The following DNAH7 variants were observed in gnomAD, a reference collection of about 807,000 sequenced individuals.
DNAH7 encodes the protein axonemal beta dynein heavy chain 7.
DNAH7 carries 397 observed loss-of-function variants against 444.6 expected under a neutral mutation model. That is an observed-to-expected ratio of 0.89 (90% confidence interval 0.82 to 0.97). The LOEUF is 0.97. Among genes scored for constraint, DNAH7 ranks in the 50% least tolerant of loss-of-function variants. The probability of loss-of-function intolerance (pLI) is 0.00; values close to 1 mark genes in which losing one functional copy is unlikely to be tolerated. For synonymous variants in DNAH7, 1,636 were observed against 1,624.4 expected (o/e 1.01, Z -0.17); for missense variants, 4,902 against 4,800.8 (o/e 1.02, Z -0.62).
intron 19 of DNAH7, among the ~76,000 whole-genome samples, chr2:195,946,236 A>T (rs956301482): frequency 2.0e-5 from 3 of 151,962 alleles, no homozygotes; most frequent in African/African-American, 2.4e-5. Context: ...CAGATGAAAA[A>T]TTTTTTCCCA....
intron 48 of DNAH7, among the ~76,000 whole-genome samples, chr2:195,829,201 A>C (rs1244128444): frequency 6.6e-6 from 1 of 152,138 alleles, no homozygotes; most frequent in Non-Finnish European, 1.5e-5. Flanking sequence ...CTCAGTTGTC[A>C]CTGATTTAAT....
At chr2:195,764,210 T>TCC (rs1694470258) in intron 61 of DNAH7, among the ~76,000 whole-genome samples, 1 of 151,726 alleles carries the variant, frequency 6.6e-6, no homozygotes, top group Non-Finnish European at 1.5e-5. Context: ...AAAAAAAACT[T>TCC]TAAAAACTGG....
Position 196,012,915 on chromosome 2 carries a change from G to A in DNAH7, c.870-9C>T. ...CAACTAAACGTAATTTTCTGCAAAA[G>A]ATAAAAATAAACAGTAATTTAACAA... On this transcript the variant is annotated splice_polypyrimidine_tract_variant and intron_variant, in intron 9 of 64. Coordinates refer to ENST00000312428, the MANE Select transcript of DNAH7 (RefSeq NM_018897.3). 3 of 1,465,988 alleles carry A rather than the reference G, an allele frequency of 2.0e-6. No individual in the cohort carries two copies. The highest frequency in any genetic ancestry group is 3.0e-5 in the South Asian group (2 of 66,730). The allele number at this position is 1,465,988 out of a possible 1,614,324, so 90.8% of individuals were successfully genotyped here. A position where few individuals can be genotyped will look rare whatever the true frequency, so the allele number is the denominator to read the frequency against.
chr2:195,962,691 G>C (rs1039635002), intron 17 of DNAH7, among the ~76,000 whole-genome samples: 1 of 152,054 alleles, frequency 6.6e-6, no homozygotes, highest in African/African-American at 2.4e-5. Flanking sequence ...AATTATTGTT[G>C]ACAAATACTA....
rs1025298725 is a variant in DNAH7, at chr2:196,028,189, C to T, written c.399-142G>A. On this transcript the variant is annotated intron_variant, in intron 5 of 64. Coordinates refer to ENST00000312428, the MANE Select transcript of DNAH7 (RefSeq NM_018897.3). The stretch of plus-strand genomic sequence containing the variant: ...TTGAACATTTTACAAACAGCATACA[C>T]ATTTGTTTGGTGCTATATTCCTCTC... 24 of 639,062 alleles carry T rather than the reference C, an allele frequency of 3.8e-5. 1 individual carries two copies. The highest frequency in any genetic ancestry group is 6.5e-5 in the Admixed American group (2 of 30,764). The allele number at this position is 639,062 out of a possible 1,614,324, so 39.6% of individuals were successfully genotyped here.
At chr2:195,845,710 C>T (rs1698947338) in intron 46 of DNAH7, among the ~76,000 whole-genome samples, 1 of 152,128 alleles carries the variant, frequency 6.6e-6, no homozygotes, top group Admixed American at 6.5e-5. Flanking sequence ...AGCTGTACAC[C>T]TACAAGCATC....
chr2:195,742,216 A>G (rs1406831789), intron 63 of DNAH7, among the ~76,000 whole-genome samples: 1 of 152,224 alleles, frequency 6.6e-6, no homozygotes, highest in African/African-American at 2.4e-5. Flanking sequence ...CTCTGTGGCC[A>G]GCTCTAAGGC....
intron 43 of DNAH7, 123 bp downstream of exon 43, chr2:195,858,351 G>T: frequency 3.6e-6 from 3 of 838,928 alleles, no homozygotes; most frequent in Non-Finnish European, 5.0e-6. Context: ...ATTTCAAAAT[G>T]ATTTCAGCTT....
At chr2:196,035,071 A>T (rs1199477957) in intron 5 of DNAH7, among the ~76,000 whole-genome samples, 2 of 152,126 alleles carry the variant, frequency 1.3e-5, no homozygotes, top group Non-Finnish European at 2.9e-5. Flanking sequence ...AATCCCAGGT[A>T]CTTGAGAGGC....
At chr2:196,037,705 G>GA (rs1696481772) in intron 5 of DNAH7, among the ~76,000 whole-genome samples, 1 of 152,060 alleles carries the variant, frequency 6.6e-6, no homozygotes, top group Admixed American at 6.6e-5. Flanking sequence ...CAATAAAAAT[G>GA]AATCAAAAAG....
chr2:196,010,708 AGTGT>A (rs1395128290), intron 10 of DNAH7, among the ~76,000 whole-genome samples: 2 of 152,130 alleles, frequency 1.3e-5, no homozygotes, highest in Non-Finnish European at 1.5e-5. Flanking sequence ...AAGAAAATAT[AGTGT>A]GTGTATGTGT....
chr2:195,850,197 C>G (rs1699268209), intron 46 of DNAH7, among the ~76,000 whole-genome samples: 1 of 151,674 alleles, frequency 6.6e-6, no homozygotes, highest in African/African-American at 2.4e-5. Context: ...ATGGAGGACT[C>G]CGAACAAGCA....
At chr2:195,945,783 T>C (rs1689758487) in intron 19 of DNAH7, among the ~76,000 whole-genome samples, 1 of 152,052 alleles carries the variant, frequency 6.6e-6, no homozygotes, top group Non-Finnish European at 1.5e-5. Flanking sequence ...AAAAGGAAAA[T>C]GTTTGGGAAA....
At chr2:195,958,421 G>A (rs1249491316) in intron 18 of DNAH7, among the ~76,000 whole-genome samples, 1 of 152,034 alleles carries the variant, frequency 6.6e-6, no homozygotes, top group Non-Finnish European at 1.5e-5. Flanking sequence ...TTATTTTTAA[G>A]GCTTCTGGTT....
At chr2:195,887,262 GA>G (rs576620346) in intron 33 of DNAH7, among the ~76,000 whole-genome samples, 10 of 151,478 alleles carry the variant, frequency 6.6e-5, no homozygotes, top group African/African-American at 9.7e-5. Flanking sequence ...GACAATGCTG[GA>G]AAAAAAACCC....
chr2:195,957,274 C>T lies in DNAH7; in HGVS notation c.3065G>A (p.Arg1022Lys), dbSNP rs769424387. 4 of 1,543,020 alleles carry T rather than the reference C, an allele frequency of 2.6e-6. No individual in the cohort carries two copies. Among genetic ancestry groups the T allele is most frequent in the African/African-American group, 2.7e-5 (2 of 73,062 alleles). ...TTTTTCACCTACCTGCATGACACTT[C>T]TCATTATATCTCTCCATGTCTTATC... ...AVDKTWRDIM[R>K]SVMQDKHVLT... The change falls in exon 19 of 65, where the codon AGA becomes AAA. Residue 1022 changes from arginine to lysine, a missense_variant. Transcript: ENST00000312428.
intron 57 of DNAH7, among the ~76,000 whole-genome samples, chr2:195,792,651 T>A (rs1695940965): frequency 6.6e-6 from 1 of 152,136 alleles, no homozygotes; most frequent in African/African-American, 2.4e-5. Flanking sequence ...AATAACAGTG[T>A]ATCCTTCTTA....
chr2:195,938,344 TCACACACACACACACACA>T lies in DNAH7; in HGVS notation c.3079-1570_3079-1553del, dbSNP rs68056425. 4.5e-5 allele frequency among the ~76,000 whole-genome samples: 6 copies of T among 134,176 alleles called. No individual in the cohort carries two copies. In the East Asian group the frequency reaches 8.6e-4, roughly 19 times the overall value. 88.0% of individuals were successfully genotyped at this position (134,176 alleles called of 152,430 possible). On this transcript the variant is annotated intron_variant, in intron 19 of 64. Transcript: ENST00000312428. ...CTTGTTTTATGTTTCAAATAGACATTCACACACACACACACACACACACACACACACACACACAAACAC... is the reference window on the plus strand; with the variant it reads ...CTTGTTTTATGTTTCAAATAGACATTCACACACACACACACACACAAACAC...
At chr2:195,771,572 A>G in intron 61 of DNAH7, 88 bp downstream of exon 61, 2 of 972,170 alleles carry the variant, frequency 2.1e-6, no homozygotes, top group Non-Finnish European at 3.2e-6. Context: ...CAGTGCTTAT[A>G]CAGTATTTGT....
Sources: gnomAD v4.1 joint callset for allele counts (sites outside exome capture counted in the v4.1 genomes callset) on GRCh38, gnomAD v4.1.1 for gene constraint, MANE v1.5 for transcripts, NCBI Gene and HGNC (gene_info 2026-07-23, HGNC 2026-07-21) for gene names.